Variants in FREM3 observed in about 807,000 individuals in gnomAD.
FREM3 encodes FRAS1 related extracellular matrix 3, also known as FRAS1-related extracellular matrix protein 3.
In FREM3, 105 loss-of-function variants were observed where a neutral mutation model predicts 129.1. The ratio of observed to expected loss-of-function variants is 0.81; its 90% CI spans 0.69 to 0.96. FREM3 has a LOEUF of 0.96. FREM3 is among the 40% of genes least tolerant of loss of function. The pLI is 0.00. For missense variants in FREM3, 2,593 were observed against 2,666.3 expected (o/e 0.97, Z 0.61); for synonymous variants, 1,014 against 1,044.9 (o/e 0.97, Z 0.57).
chr4:143,689,669 GAT>G (rs530574445), intron 2 of FREM3, among the ~76,000 whole-genome samples: 2 of 150,952 alleles, frequency 1.3e-5, no homozygotes, highest in African/African-American at 4.9e-5. Context: ...AAGAAACTGT[GAT>G]ATATATATAT....
chr4:143,677,839 G>A (rs1386265611), intron 2 of FREM3, among the ~76,000 whole-genome samples: 2 of 152,226 alleles, frequency 1.3e-5, no homozygotes, highest in Non-Finnish European at 2.9e-5. Flanking sequence ...ACCACAGTGA[G>A]ATATGATCTC....
rs1266273140 is a variant in FREM3 at position 143,621,058 on chromosome 4, C to T, written c.5758G>A (p.Val1920Ile). Residue 1920 changes from valine (V) to isoleucine (I), a missense_variant, in exon 5 of 8, where the codon GTC (valine) becomes ATC (isoleucine). Around this residue, in one of 2 missense-constraint regions of FREM3, gnomAD observed 317 missense variants for 399.0 expected, o/e 0.79. Coordinates refer to ENST00000329798, the MANE Select transcript of FREM3 (RefSeq NM_001168235.2). The stretch of plus-strand genomic sequence containing the variant: ...ATACCTTGACGTGTGGAGCAAATGA[C>T]GATTAGTTCCTGGCTTGCATCTCCA... ...RSGDASQELI[V>I]ICSTRQGSAT... The T allele has an allele frequency of 9.1e-6, 14 of 1,537,284 alleles. No individual in the cohort carries two copies. Among genetic ancestry groups the T allele is most frequent in the South Asian group, 3.6e-5 (3 of 84,060 alleles).
chr4:143,639,476 C>A (rs1354348481), intron 2 of FREM3, among the ~76,000 whole-genome samples: 7 of 152,142 alleles, frequency 4.6e-5, no homozygotes, highest in Non-Finnish European at 1.0e-4. Flanking sequence ...TAGGACCTTT[C>A]TGAGTTCCTT....
chr4:143,611,014 T>G (rs965606791), intron 6 of FREM3, among the ~76,000 whole-genome samples: 11 of 152,032 alleles, frequency 7.2e-5, no homozygotes, highest in African/African-American at 2.7e-4. Context: ...GGCTTCCTTC[T>G]AAGTCTTAAG....
Position 143,627,720 on chromosome 4 carries a change from C to CCAGTTTAGATGGAAA in FREM3, c.5301_5315dup (p.Asn1771_Trp1772insCysPheHisLeuAsn). The stretch of plus-strand genomic sequence containing the variant: ...ACTCTTTCTCCAAACAAATCCAAGC[C>CCAGTTTAGATGGAAA]CAGTTTAGATGGAAAGGCTGATTTG... On this transcript the variant is annotated inframe_insertion, in exon 3 of 8. Transcript: ENST00000329798. 6.5e-7 allele frequency: 1 copy of CCAGTTTAGATGGAAA among 1,535,480 alleles called. No individual in the cohort carries two copies. Among genetic ancestry groups the CCAGTTTAGATGGAAA allele is most frequent in the Non-Finnish European group, 8.7e-7 (1 of 1,145,468 alleles).
chr4:143,678,156 A>G (rs1161698108), intron 2 of FREM3, among the ~76,000 whole-genome samples: 1 of 152,214 alleles, frequency 6.6e-6, no homozygotes, highest in Non-Finnish European at 1.5e-5. Context: ...TCCAACAATG[A>G]TAGACTGGAT....
intron 2 of FREM3, among the ~76,000 whole-genome samples, chr4:143,654,987 A>T (rs1381452364): frequency 6.6e-6 from 1 of 152,190 alleles, no homozygotes; most frequent in African/African-American, 2.4e-5. Flanking sequence ...GGCTGGCAGG[A>T]ACAGTTGAAG....
intron 7 of FREM3, among the ~76,000 whole-genome samples, chr4:143,583,626 G>A (rs568802180): frequency 7.2e-4 from 109 of 151,908 alleles, no homozygotes; most frequent in African/African-American, 2.6e-3. Context: ...AACTCTACAG[G>A]CCAGAAGAGA....
At chr4:143,648,389 G>A (rs906665444) in intron 2 of FREM3, among the ~76,000 whole-genome samples, 1 of 152,222 alleles carries the variant, frequency 6.6e-6, no homozygotes, top group African/African-American at 2.4e-5. Context: ...GTTTTGAAAT[G>A]TGAGGACATG....
intron 2 of FREM3, among the ~76,000 whole-genome samples, chr4:143,659,998 G>A (rs1739677083): frequency 1.3e-5 from 2 of 149,766 alleles, no homozygotes; most frequent in Admixed American, 6.6e-5. Flanking sequence ...TGTCAGATGA[G>A]TAGGTTGTGA....
Position 143,698,375 on chromosome 4 carries a change from T to A in FREM3, c.2301A>T (p.Ser767=). The change falls in exon 1 of 8, where the codon TCA becomes TCT. Residue 767 remains serine (S), a synonymous_variant. Coordinates refer to ENST00000329798, the MANE Select transcript of FREM3 (RefSeq NM_001168235.2). ...VRAGEIVLTD[S]PDTLIMHFTQ... ...TAAAGTGCATGATGAGTGTGTCTGGTGAATCAGTGAGCACAATTTCTCCAG... is the reference window on the plus strand; with the variant it reads ...TAAAGTGCATGATGAGTGTGTCTGGAGAATCAGTGAGCACAATTTCTCCAG... 7.8e-6 allele frequency: 12 copies of A among 1,537,894 alleles called. No individual in the cohort carries two copies. The highest frequency in any genetic ancestry group is 1.4e-5 in the African/African-American group (1 of 73,160).
chr4:143,587,462 A>T (rs908671966), intron 6 of FREM3, among the ~76,000 whole-genome samples: 4 of 152,166 alleles, frequency 2.6e-5, no homozygotes, highest in African/African-American at 9.7e-5. Flanking sequence ...TTTAATGAAC[A>T]TGTAGTAATT....
chr4:143,677,395 A>C (rs569320732), intron 2 of FREM3, among the ~76,000 whole-genome samples: 13 of 152,360 alleles, frequency 8.5e-5, no homozygotes, highest in Admixed American at 2.0e-4. Context: ...AATTAATTCA[A>C]GATGGATTAA....
intron 2 of FREM3, among the ~76,000 whole-genome samples, chr4:143,663,115 G>T (rs770146677): frequency 6.6e-6 from 1 of 151,888 alleles, no homozygotes; most frequent in Non-Finnish European, 1.5e-5. Context: ...TCTGTATTTG[G>T]TCCTGTCATT....
At chr4:143,674,825 T>A (rs1214691906) in intron 2 of FREM3, among the ~76,000 whole-genome samples, 1 of 152,166 alleles carries the variant, frequency 6.6e-6, no homozygotes, top group Non-Finnish European at 1.5e-5. Flanking sequence ...AGGGATCAAT[T>A]CAACAAGAAG....
At chr4:143,623,493 TC>T (rs35964270) in intron 4 of FREM3, among the ~76,000 whole-genome samples, 26,256 of 68,250 alleles carry the variant, frequency 0.38, 4,799 homozygotes, top group Middle Eastern at 0.54. Flanking sequence ...TGAATACTAA[TC>T]CCCCCCCCCC....
At position 143,697,152 on chromosome 4, in the gene FREM3, T is replaced by G; in HGVS notation, c.3524A>C (p.Asn1175Thr). ...QFTFYCSDGI[N>T]FSPNVFFPII... ...AGGGAAGAAGACATTTGGGGAGAAG[T>G]TGATGCCATCAGAGCAATAAAAGGT... The change falls in exon 1 of 8, where the codon AAC becomes ACC. Residue 1175 changes from asparagine (N) to threonine (T), a missense_variant. Physicochemically the swap from Asn to Thr is moderately conservative, Grantham distance 65. Around this residue, in one of 2 missense-constraint regions of FREM3, gnomAD observed 2,276 missense variants for 2,267.2 expected, o/e 1.00. Coordinates refer to ENST00000329798, the MANE Select transcript of FREM3 (RefSeq NM_001168235.2). 1 of 1,537,882 alleles carries G rather than the reference T, an allele frequency of 6.5e-7. No individual in the cohort carries two copies. Among genetic ancestry groups the G allele is most frequent in the Non-Finnish European group, 8.7e-7 (1 of 1,147,054 alleles).
chr4:143,683,424 G>A (rs555949423), intron 2 of FREM3, among the ~76,000 whole-genome samples: 3 of 152,304 alleles, frequency 2.0e-5, no homozygotes, highest in African/African-American at 7.2e-5. Flanking sequence ...GAAGCTGAAG[G>A]TCTGTTTGCA....
At chr4:143,605,110 A>G (rs1409892381) in intron 6 of FREM3, among the ~76,000 whole-genome samples, 1 of 152,096 alleles carries the variant, frequency 6.6e-6, no homozygotes, top group East Asian at 1.9e-4. Context: ...GTCTACTAAG[A>G]CCATTTCAAA....
Sources: gnomAD v4.1 joint callset for allele counts (sites outside exome capture counted in the v4.1 genomes callset) on GRCh38, gnomAD v4.1.1 for gene constraint, gnomAD v4.1.1 regional missense constraint, MANE v1.5 for transcripts, NCBI Gene and HGNC (gene_info 2026-07-23, HGNC 2026-07-21) for gene names.